TTC17: variants seen among roughly 807,000 people sequenced by gnomAD.
TTC17 encodes the protein tetratricopeptide repeat domain 17.
TTC17 carries 58 observed loss-of-function variants against 143.8 expected under a neutral mutation model. That is an observed-to-expected ratio of 0.40 (90% CI 0.33 to 0.50). TTC17 has a LOEUF of 0.50. TTC17 is among the 20% of genes least tolerant of loss of function. The pLI is 0.49. For synonymous variants in TTC17, 501 were observed against 497.8 expected (o/e 1.01, Z -0.09); for missense variants, 1,273 against 1,392.5 (o/e 0.91, Z 1.37).
chr11:43,488,692 T>C (rs1208402483), intron 21 of TTC17, among the ~76,000 whole-genome samples: 2 of 152,002 alleles, frequency 1.3e-5, no homozygotes, highest in African/African-American at 4.8e-5. Context: ...TGGTGAAATA[T>C]TTATTTCTTT....
chr11:43,414,214 C>G (rs1375705285), intron 15 of TTC17, among the ~76,000 whole-genome samples: 1 of 152,104 alleles, frequency 6.6e-6, no homozygotes, highest in Non-Finnish European at 1.5e-5. Context: ...AGTTTGATTT[C>G]ATTTACCTGA....
At chr11:43,389,027 A>G (rs1429681728) in intron 2 of TTC17, among the ~76,000 whole-genome samples, 1 of 150,642 alleles carries the variant, frequency 6.6e-6, no homozygotes, top group Non-Finnish European at 1.5e-5. Context: ...TAGTCCAGAT[A>G]CTTGGGAGGC....
intron 1 of TTC17, among the ~76,000 whole-genome samples, chr11:43,374,331 A>C (rs12798876): frequency 6.6e-6 from 1 of 152,240 alleles, no homozygotes; most frequent in Admixed American, 6.5e-5. Context: ...CTAGCAGAAA[A>C]CCCAGGAAAT....
intron 16 of TTC17, among the ~76,000 whole-genome samples, chr11:43,416,872 A>G (rs1417977806): frequency 6.6e-6 from 1 of 152,184 alleles, no homozygotes; most frequent in Non-Finnish European, 1.5e-5. Context: ...GCATCTTCTC[A>G]GAATGCTGTG....
chr11:43,483,048 C>T (rs1214491214), intron 21 of TTC17, among the ~76,000 whole-genome samples: 1 of 151,954 alleles, frequency 6.6e-6, no homozygotes, highest in Non-Finnish European at 1.5e-5. Flanking sequence ...ATAAGAAAAG[C>T]ATATAATTGC....
Position 43,404,142 on chromosome 11 carries a change from A to G in TTC17, c.1477A>G (p.Arg493Gly). Residue 493 changes from arginine to glycine, a missense_variant and splice_region_variant, in exon 11 of 24, where the codon AGG becomes GGG. Physicochemically the swap from Arg to Gly is moderately radical, Grantham distance 125. Around this residue, in one of 3 missense-constraint regions of TTC17, gnomAD observed 878 missense variants for 899.8 expected, o/e 0.98. Transcript: ENST00000039989. The stretch of plus-strand genomic sequence containing the variant: ...TTGGGGCAGGGACTCTGATGCATAT[A>G]GGGTAAGTTAATAGAGGATGACGAA... ...WIWGRDSDAY[R>G]DKQHILWPKR... is the part of the protein sequence containing the mutation. 1 of 1,606,222 alleles carries G rather than the reference A, an allele frequency of 6.2e-7. No homozygotes were observed. Among genetic ancestry groups the G allele is most frequent in the South Asian group, 1.1e-5 (1 of 89,116 alleles).
chr11:43,430,778 ACTT>A (rs1947139562), intron 16 of TTC17, among the ~76,000 whole-genome samples: 1 of 149,526 alleles, frequency 6.7e-6, no homozygotes, highest in Non-Finnish European at 1.5e-5. Flanking sequence ...TACATTGATA[ACTT>A]CTTTTTTTAA....
intron 1 of TTC17, among the ~76,000 whole-genome samples, chr11:43,367,191 G>A (rs1004757765): frequency 2.6e-5 from 4 of 152,078 alleles, no homozygotes; most frequent in Admixed American, 6.6e-5. Context: ...TTTGAGTCAC[G>A]CATTATTGAA....
At chr11:43,428,211 A>G (rs544314714) in intron 16 of TTC17, among the ~76,000 whole-genome samples, 5 of 152,146 alleles carry the variant, frequency 3.3e-5, no homozygotes. Flanking sequence ...ACTAACACCT[A>G]TGAGTCAGTC....
intron 21 of TTC17, among the ~76,000 whole-genome samples, chr11:43,470,761 A>C (rs1283608390): frequency 6.6e-6 from 1 of 152,182 alleles, no homozygotes; most frequent in Non-Finnish European, 1.5e-5. Flanking sequence ...CTTACTTCCT[A>C]GCTCAGTAGC....
intron 21 of TTC17, among the ~76,000 whole-genome samples, chr11:43,461,390 C>CA (rs750240102): frequency 0.16 from 5,713 of 35,884 alleles, 1,229 homozygotes; most frequent in African/African-American, 0.19. Flanking sequence ...AACTCCGTCT[C>CA]AAAAAAAAAA....
At chr11:43,362,152 TGTG>T (rs1856137407) in intron 1 of TTC17, among the ~76,000 whole-genome samples, 8 of 12,356 alleles carry the variant, frequency 6.5e-4, no homozygotes, top group Admixed American at 1.3e-3. Context: ...GGCTAATTTG[TGTG>T]TGTGTGTGTG....
chr11:43,413,014 AC>A lies in TTC17; in HGVS notation c.2065-1575del, dbSNP rs1406694955. On this transcript the variant is annotated intron_variant, in intron 15 of 23. Coordinates refer to ENST00000039989, the MANE Select transcript of TTC17 (RefSeq NM_018259.6). ...CACACACACACACACACACACACACACACACACACACACAAATGGGGGCAGG... is the reference window on the plus strand; with the variant it reads ...CACACACACACACACACACACACACAACACACACACACAAATGGGGGCAGG... 2.8e-4 allele frequency among the ~76,000 whole-genome samples: 42 copies of A among 151,484 alleles called. 1 individual carries two copies. In the Middle Eastern group the frequency reaches 0.017, roughly 61 times the overall value.
In TTC17 at chr11:43,443,585, G is replaced by T; in HGVS notation, c.2511+1G>T. The T allele has an allele frequency of 1.2e-6, 2 of 1,603,146 alleles. No homozygotes were observed. Among genetic ancestry groups the T allele is most frequent in the Non-Finnish European group, 1.7e-6 (2 of 1,173,568 alleles). On this transcript the variant is annotated splice_donor_variant, in intron 17 of 23. Coordinates refer to ENST00000039989, the MANE Select transcript of TTC17 (RefSeq NM_018259.6). LOFTEE classifies it high-confidence loss of function. ...TGAAGATGATGAAGCAACAGAATGG[G>T]TAAGTTTGCCAACTTAATTCTCACA...
intron 23 of TTC17, among the ~76,000 whole-genome samples, 184 bp downstream of exon 23, chr11:43,492,347 G>T (rs1948488576): frequency 6.6e-6 from 1 of 152,120 alleles, no homozygotes; most frequent in Non-Finnish European, 1.5e-5. Context: ...CATAATACAT[G>T]AAATTCTTCT....
rs558491539 is a variant in TTC17, at chr11:43,460,472, C to CTT, written c.3030+9208_3030+9209dup. ...CTCCGTTAGTAGTCTCTTTGCTGCT[C>CTT]TTCCACCAAATGTCTATAACCCAGT... On this transcript the variant is annotated intron_variant, in intron 21 of 23. Transcript: ENST00000039989. 5.9e-3 allele frequency among the ~76,000 whole-genome samples: 895 copies of CTT among 152,268 alleles called. 3 individuals carry two copies. Among genetic ancestry groups the CTT allele is most frequent in the Non-Finnish European group, 1.0e-2 (679 of 68,016 alleles).
intron 1 of TTC17, among the ~76,000 whole-genome samples, chr11:43,363,725 T>G (rs1856210530): frequency 6.6e-6 from 1 of 152,178 alleles, no homozygotes; most frequent in Non-Finnish European, 1.5e-5. Context: ...GTAACTAATG[T>G]GTGGCATTTC....
chr11:43,459,737 C>G (rs1474416362), intron 21 of TTC17, among the ~76,000 whole-genome samples: 2 of 152,186 alleles, frequency 1.3e-5, no homozygotes, highest in Non-Finnish European at 2.9e-5. Flanking sequence ...GGTATGAAAG[C>G]TATATGCATT....
intron 1 of TTC17, among the ~76,000 whole-genome samples, chr11:43,366,398 C>T (rs958826849): frequency 3.3e-5 from 5 of 151,460 alleles, no homozygotes; most frequent in South Asian, 2.1e-4. Flanking sequence ...CAAAGCTACT[C>T]GGGAGGCTGA....
Sources: gnomAD v4.1 joint callset for allele counts (sites outside exome capture counted in the v4.1 genomes callset) on GRCh38, gnomAD v4.1.1 for gene constraint, gnomAD v4.1.1 regional missense constraint, MANE v1.5 for transcripts, NCBI Gene and HGNC (gene_info 2026-07-23, HGNC 2026-07-21) for gene names.